The following NEDD4L variants were observed in gnomAD, a reference collection of about 807,000 sequenced individuals.
NEDD4L encodes E3 ubiquitin-protein ligase NEDD4-like.
In NEDD4L, 54 loss-of-function variants were observed where a neutral mutation model predicts 148.9. The observed-to-expected ratio is 0.36, with a 90% confidence interval of 0.29 to 0.45. NEDD4L has a LOEUF of 0.45. NEDD4L is among the 20% of genes least tolerant of loss of function. NEDD4L has a pLI of 1.00. For synonymous variants in NEDD4L, 433 were observed against 440.7 expected, an observed-to-expected ratio of 0.98 and a Z score of 0.22; for missense variants, 856 against 1,233.8, an observed-to-expected ratio of 0.69 and a Z score of 4.59.
At chr18:58,148,043 C>T (rs1361792542) in intron 1 of NEDD4L, among the ~76,000 whole-genome samples, 1 of 152,022 alleles carries the variant, frequency 6.6e-6, no homozygotes, top group Non-Finnish European at 1.5e-5. Context: ...CCCCTCTCTC[C>T]CCCCCTTTTT....
Position 58,398,781 on chromosome 18 carries a change from C to T in NEDD4L, c.*2512C>T, listed in dbSNP as rs1470172722. ...CTTGATTTCTCTGAATCGTGATGAC[C>T]ACACCCAGTCATCTTCACAGCATAA... On this transcript the variant is annotated 3_prime_UTR_variant, in exon 31 of 31. Transcript: ENST00000400345. 6.6e-6 allele frequency: 1 copy of T among 152,212 alleles called. No homozygotes were observed. The highest frequency in any genetic ancestry group is 1.5e-5 in the Non-Finnish European group (1 of 68,054). 9.4% of individuals were successfully genotyped at this position (152,212 alleles called of 1,614,324 possible).
At chr18:58,240,605 A>G (rs1214157699) in intron 2 of NEDD4L, among the ~76,000 whole-genome samples, 1 of 152,000 alleles carries the variant, frequency 6.6e-6, no homozygotes, top group Non-Finnish European at 1.5e-5. Flanking sequence ...TCAGTTGGCC[A>G]CCCTGTTCTT....
chr18:58,217,188 C>T (rs532960655), intron 2 of NEDD4L, among the ~76,000 whole-genome samples: 4 of 152,094 alleles, frequency 2.6e-5, no homozygotes, highest in South Asian at 2.1e-4. Context: ...AAAGCTAACG[C>T]GAGTTAGGAG....
chr18:58,183,997 G>C (rs559746644), intron 2 of NEDD4L, among the ~76,000 whole-genome samples: 1 of 152,056 alleles, frequency 6.6e-6, no homozygotes, highest in African/African-American at 2.4e-5. Context: ...GTGAAACCCC[G>C]TCTCTACTAA....
intron 1 of NEDD4L, among the ~76,000 whole-genome samples, chr18:58,073,039 T>TAAG (rs1010695247): frequency 1.2e-4 from 18 of 152,330 alleles, no homozygotes; most frequent in African/African-American, 4.3e-4. Context: ...ATAAGTTTAA[T>TAAG]AAGTTTATGA....
At chr18:58,122,064 A>G (rs1217580648) in intron 1 of NEDD4L, among the ~76,000 whole-genome samples, 2 of 152,214 alleles carry the variant, frequency 1.3e-5, no homozygotes, top group Non-Finnish European at 2.9e-5. Context: ...GAGTTGCTCA[A>G]GTCTTTGGGC....
At chr18:58,125,349 C>G (rs571994614) in intron 1 of NEDD4L, among the ~76,000 whole-genome samples, 8 of 138,180 alleles carry the variant, frequency 5.8e-5, no homozygotes, top group African/African-American at 2.3e-4. Context: ...CTCTTCCCCC[C>G]ACCAGGAGGG....
chr18:58,333,723 G>A (rs147231750), intron 11 of NEDD4L, 95 bp from the exon 12 acceptor site: 944 of 804,816 alleles, frequency 1.2e-3, no homozygotes, highest in Non-Finnish European at 1.8e-3. Context: ...ATCGAAGAGC[G>A]GTGAATATGG....
At chr18:58,060,828 A>T (rs1488572428) in intron 1 of NEDD4L, among the ~76,000 whole-genome samples, 7 of 151,926 alleles carry the variant, frequency 4.6e-5, no homozygotes, top group African/African-American at 1.5e-4. Flanking sequence ...GCGTGATCTC[A>T]GCTCACTACA....
At chr18:58,335,574 G>T (rs1360376801) in intron 13 of NEDD4L, 37 bp downstream of exon 13, 2 of 1,506,984 alleles carry the variant, frequency 1.3e-6, no homozygotes, top group Non-Finnish European at 1.8e-6. Context: ...ATAGCAAGAG[G>T]CCGTGAGGCA....
chr18:58,268,556 T>C (rs1046935106), intron 5 of NEDD4L, among the ~76,000 whole-genome samples: 3 of 152,044 alleles, frequency 2.0e-5, no homozygotes, highest in Non-Finnish European at 2.9e-5. Context: ...GTTTCCTTGA[T>C]GGGCTGAGGG....
chr18:58,383,729 T>C (rs2048647335), intron 25 of NEDD4L, among the ~76,000 whole-genome samples: 1 of 152,252 alleles, frequency 6.6e-6, no homozygotes, highest in Admixed American at 6.5e-5. Flanking sequence ...AATAGAAATG[T>C]ATAGAAATAG....
At chr18:58,273,470 A>G (rs1290281337) in intron 5 of NEDD4L, among the ~76,000 whole-genome samples, 1 of 152,172 alleles carries the variant, frequency 6.6e-6, no homozygotes, top group Non-Finnish European at 1.5e-5. Flanking sequence ...TCTGTGCCAG[A>G]TATCTTGCCT....
At chr18:58,242,894 T>C (rs1282336749) in intron 2 of NEDD4L, among the ~76,000 whole-genome samples, 1 of 152,206 alleles carries the variant, frequency 6.6e-6, no homozygotes, top group African/African-American at 2.4e-5. Context: ...GAACTCTCTT[T>C]CAGGGAGTTT....
intron 21 of NEDD4L, chr18:58,367,134 G>C (rs536397715): frequency 6.6e-6 from 1 of 152,254 alleles, no homozygotes; most frequent in African/African-American, 2.4e-5. Context: ...CCCCCACCCC[G>C]GAGGAATCAG....
chr18:58,313,978 A>G (rs761658572), intron 5 of NEDD4L, among the ~76,000 whole-genome samples: 22 of 152,172 alleles, frequency 1.4e-4, no homozygotes, highest in Non-Finnish European at 2.5e-4. Flanking sequence ...TTTCCTTCCC[A>G]CATTAGCAGC....
At chr18:58,223,412 A>G (rs780496457) in intron 2 of NEDD4L, among the ~76,000 whole-genome samples, 7 of 152,174 alleles carry the variant, frequency 4.6e-5, no homozygotes, top group Non-Finnish European at 8.8e-5. Flanking sequence ...GTTTTATTCC[A>G]AAGTGGTTTG....
intron 5 of NEDD4L, among the ~76,000 whole-genome samples, chr18:58,287,074 G>A (rs1388947503): frequency 6.6e-6 from 1 of 150,416 alleles, no homozygotes; most frequent in Non-Finnish European, 1.5e-5. Flanking sequence ...TAGGAGAGCT[G>A]TTTTAAAGCA....
At chr18:58,226,289 G>A (rs1031510241) in intron 2 of NEDD4L, among the ~76,000 whole-genome samples, 19 of 152,138 alleles carry the variant, frequency 1.2e-4, no homozygotes, top group South Asian at 4.1e-4. Flanking sequence ...AGAAGTAAAG[G>A]CCTGAACTTG....
Sources: allele counts gnomAD v4.1 joint callset (sites outside exome capture counted in the v4.1 genomes callset), GRCh38; gene constraint gnomAD v4.1.1; transcripts MANE v1.5; gene names NCBI Gene and HGNC (gene_info 2026-07-23, HGNC 2026-07-21).